Variants in CCDC50 observed in about 807,000 individuals in gnomAD.
The protein encoded by CCDC50 is coiled-coil domain containing 50.
A neutral mutation model predicts 70.2 loss-of-function variants in CCDC50; 54 were observed. The observed-to-expected ratio is 0.77, with a 90% CI of 0.62 to 0.96. The LOEUF (loss-of-function observed/expected upper bound fraction) is 0.96, where lower values mean the gene tolerates loss of function less well. CCDC50 is among the 50% of genes least tolerant of loss of function. The pLI is 0.00. For synonymous variants in CCDC50, 216 were observed against 198.8 expected (o/e 1.09, Z -0.73); for missense variants, 558 against 578.7 (o/e 0.96, Z 0.37).
chr3:191,375,184 T>C lies in CCDC50; in HGVS notation c.571T>C (p.Leu191=), dbSNP rs1203585173. 1 of 1,613,724 alleles carries C rather than the reference T, an allele frequency of 6.2e-7. No homozygotes were observed. Among genetic ancestry groups the C allele is most frequent in the Admixed American group, 1.7e-5 (1 of 59,968 alleles). The change falls in exon 6 of 12, where the codon TTG becomes CTG. Residue 191 remains leucine (L), a synonymous_variant. Coordinates refer to ENST00000392455, the MANE Select transcript of CCDC50 (RefSeq NM_178335.3). ...GAAACCAGAACATCCACTGGAGAAC[T>C]TGGAAGAGCCAGAACAACATTGTTC... ...KEKPEHPLEN[L]EEPEQHCSSK...
At position 191,395,582 on chromosome 3, in the gene CCDC50, G is replaced by A. The variant is rs1374295321; in HGVS notation, c.*3822G>A. ...ACCCTAATAAAGGAGTGAGATCTCT[G>A]TGTAAACAGCTTTCTGAAGGACTGA... is the stretch of plus-strand genomic sequence containing the variant. On this transcript the variant is annotated 3_prime_UTR_variant, in exon 12 of 12. Transcript: ENST00000392455. 1 of 152,164 alleles carries A rather than the reference G, an allele frequency of 6.6e-6. No individual in the cohort carries two copies. Among genetic ancestry groups the A allele is most frequent in the Non-Finnish European group, 1.5e-5 (1 of 68,002 alleles). 9.4% of individuals were successfully genotyped at this position (152,164 alleles called of 1,614,324 possible).
At chr3:191,370,788 C>T (rs902422608) in intron 5 of CCDC50, among the ~76,000 whole-genome samples, 1 of 152,094 alleles carries the variant, frequency 6.6e-6, no homozygotes, top group Non-Finnish European at 1.5e-5. Flanking sequence ...CGCGCCCGGC[C>T]TTATCTGTTC....
chr3:191,366,585 T>C (rs571352182), intron 4 of CCDC50, among the ~76,000 whole-genome samples: 31 of 152,314 alleles, frequency 2.0e-4, no homozygotes, highest in African/African-American at 6.7e-4. Flanking sequence ...CCAAGTTATG[T>C]AGAACATTAA....
intron 4 of CCDC50, among the ~76,000 whole-genome samples, chr3:191,365,052 C>T (rs989196643): frequency 2.6e-5 from 4 of 151,538 alleles, no homozygotes; most frequent in African/African-American, 9.7e-5. Context: ...TTAACTAAAA[C>T]TCTAAAAGTG....
chr3:191,394,750 A>G lies in CCDC50; in HGVS notation c.*2990A>G, dbSNP rs1428510748. 1.3e-5 allele frequency: 2 copies of G among 152,194 alleles called. No individual in the cohort carries two copies. The highest frequency in any genetic ancestry group is 1.3e-4 in the Admixed American group (2 of 15,278). The allele number at this position is 152,194 out of a possible 1,614,324, so 9.4% of individuals were successfully genotyped here. On this transcript the variant is annotated 3_prime_UTR_variant, in exon 12 of 12. Transcript: ENST00000392455. ...TCATTGTTTGGAAGTAAAGTTAGAT[A>G]AGAGTCAAATTAAATGTTTTGACTT...
chr3:191,329,494 G>C lies in CCDC50; in HGVS notation c.-181G>C. ...CCGCCAGCTTGGTGCCTCGGGGACC[G>C]TCTCCCGCTGCTTTGGTCACCAGCC... On this transcript the variant is annotated 5_prime_UTR_variant, in exon 1 of 12. Coordinates refer to ENST00000392455, the MANE Select transcript of CCDC50 (RefSeq NM_178335.3). The C allele has an allele frequency of 1.9e-6, 1 of 535,260 alleles. No individual in the cohort carries two copies. The highest frequency in any genetic ancestry group is 5.1e-4 in the Middle Eastern group (1 of 1,948). The allele number at this position is 535,260 out of a possible 1,614,324, so 33.2% of individuals were successfully genotyped here. A position where few individuals can be genotyped will look rare whatever the true frequency, so the allele number is the denominator to read the frequency against.
At chr3:191,338,873 T>A (rs771199211) in intron 1 of CCDC50, among the ~76,000 whole-genome samples, 1 of 152,224 alleles carries the variant, frequency 6.6e-6, no homozygotes, top group Non-Finnish European at 1.5e-5. Flanking sequence ...TTATATAAGA[T>A]GCTGGTAATT....
At chr3:191,364,791 G>A (rs1712623903) in intron 4 of CCDC50, among the ~76,000 whole-genome samples, 1 of 151,856 alleles carries the variant, frequency 6.6e-6, no homozygotes, top group Admixed American at 6.6e-5. Flanking sequence ...TTTTTTTTCG[G>A]TCTTTCTAGC....
rs1717870343 is a variant in CCDC50, at chr3:191,329,547, C to T, written c.-128C>T. 10 of 875,138 alleles carry T rather than the reference C, an allele frequency of 1.1e-5. No individual in the cohort carries two copies. Among genetic ancestry groups the T allele is most frequent in the Non-Finnish European group, 1.5e-5 (9 of 597,670 alleles). 54.2% of individuals were successfully genotyped at this position (875,138 alleles called of 1,614,324 possible). A position where few individuals can be genotyped will look rare whatever the true frequency, so the allele number is the denominator to read the frequency against. On this transcript the variant is annotated 5_prime_UTR_variant, in exon 1 of 12. Coordinates refer to ENST00000392455, the MANE Select transcript of CCDC50 (RefSeq NM_178335.3). ...TGCCCGCCCGACCCGCTCCGTTCTC[C>T]GGCCTGCGAGCCCTGCCGGCCGGAC...
At chr3:191,380,767 T>C in intron 8 of CCDC50, 36 bp downstream of exon 8, 1 of 1,611,704 alleles carries the variant, frequency 6.2e-7, no homozygotes, top group Non-Finnish European at 8.5e-7. Flanking sequence ...TCTTTGGAAA[T>C]ATCCTAGTAT....
At chr3:191,332,200 T>C (rs1718012766) in intron 1 of CCDC50, among the ~76,000 whole-genome samples, 1 of 152,172 alleles carries the variant, frequency 6.6e-6, no homozygotes, top group Non-Finnish European at 1.5e-5. Flanking sequence ...AAGGGGATAT[T>C]TAAAAATCTT....
At chr3:191,344,942 T>A (rs563959249) in intron 1 of CCDC50, among the ~76,000 whole-genome samples, 41 of 152,248 alleles carry the variant, frequency 2.7e-4, no homozygotes, top group African/African-American at 8.7e-4. Flanking sequence ...CATCCTCAAA[T>A]CCTCACATCC....
intron 4 of CCDC50, among the ~76,000 whole-genome samples, chr3:191,364,337 G>C (rs1712602815): frequency 6.6e-6 from 1 of 151,062 alleles, no homozygotes; most frequent in Non-Finnish European, 1.5e-5. Flanking sequence ...AAAGTGCTGA[G>C]ATTATAGGTA....
intron 10 of CCDC50, among the ~76,000 whole-genome samples, chr3:191,388,916 TTA>T (rs1713589307): frequency 8.9e-6 from 1 of 112,728 alleles, no homozygotes; most frequent in Non-Finnish European, 1.9e-5. Flanking sequence ...GTAGTAAAAA[TTA>T]TATCTTTTTT....
intron 1 of CCDC50, among the ~76,000 whole-genome samples, chr3:191,355,305 TTA>T (rs1192016679): frequency 2.6e-4 from 39 of 152,348 alleles, no homozygotes; most frequent in Non-Finnish European, 4.3e-4. Flanking sequence ...CAAGATTTGA[TTA>T]TATTTATTTT....
At chr3:191,376,830 C>T (rs537483668) in intron 6 of CCDC50, among the ~76,000 whole-genome samples, 1 of 152,036 alleles carries the variant, frequency 6.6e-6, no homozygotes, top group Non-Finnish European at 1.5e-5. Context: ...AGGTTACACC[C>T]CTAGCATTTT....
chr3:191,380,969 A>ATTTCT, intron 9 of CCDC50, 37 bp downstream of exon 9: 1 of 1,524,694 alleles, frequency 6.6e-7, no homozygotes, highest in Non-Finnish European at 9.0e-7. Context: ...ATTAGAAATA[A>ATTTCT]AATTAGAAAT....
chr3:191,350,664 G>A (rs71312411), intron 1 of CCDC50, among the ~76,000 whole-genome samples: 1 of 141,798 alleles, frequency 7.1e-6, no homozygotes, highest in South Asian at 2.2e-4. Context: ...TGAAAGGAAC[G>A]TGTAGCCGTT....
chr3:191,353,436 T>C (rs1486055505), intron 1 of CCDC50, among the ~76,000 whole-genome samples: 2 of 141,768 alleles, frequency 1.4e-5, no homozygotes, highest in African/African-American at 5.0e-5. Flanking sequence ...TCACCTTAAA[T>C]GTGCCCACAG....
Sources: allele counts gnomAD v4.1 joint callset (sites outside exome capture counted in the v4.1 genomes callset), GRCh38; gene constraint gnomAD v4.1.1; transcripts MANE v1.5; gene names NCBI Gene and HGNC (gene_info 2026-07-23, HGNC 2026-07-21).